Variants in EPHB2 observed in about 807,000 individuals in gnomAD.
EPHB2 encodes the protein EPH receptor B2.
A neutral mutation model predicts 96.4 loss-of-function variants in EPHB2; 18 were observed. The observed-to-expected ratio is 0.19, with a 90% CI of 0.13 to 0.28. The LOEUF is 0.28. Among genes scored for constraint, EPHB2 ranks in the 10% least tolerant of loss-of-function variants. EPHB2 has a pLI of 1.00. For synonymous variants in EPHB2, 506 were observed against 534.1 expected (o/e 0.95, Z 0.72); for missense variants, 989 against 1,355.4 (o/e 0.73, Z 4.25).
intron 1 of EPHB2, among the ~76,000 whole-genome samples, chr1:22,749,622 G>A (rs1644032072): frequency 6.6e-6 from 1 of 152,208 alleles, no homozygotes; most frequent in South Asian, 2.1e-4. Flanking sequence ...TCCTCTTTGA[G>A]GGAAGGGGAA....
At chr1:22,818,051 G>C (rs536249146) in intron 3 of EPHB2, among the ~76,000 whole-genome samples, 8 of 152,230 alleles carry the variant, frequency 5.3e-5, no homozygotes, top group African/African-American at 1.9e-4. Flanking sequence ...AGCCAGCAAA[G>C]CCCCTGCCTT....
At chr1:22,812,604 G>A (rs1645019046) in intron 3 of EPHB2, among the ~76,000 whole-genome samples, 1 of 152,294 alleles carries the variant, frequency 6.6e-6, no homozygotes, top group South Asian at 2.1e-4. Flanking sequence ...CAGAGGGAGA[G>A]GGACGTGGCC....
At chr1:22,849,066 C>G (rs1349687304) in intron 3 of EPHB2, among the ~76,000 whole-genome samples, 1 of 152,180 alleles carries the variant, frequency 6.6e-6, no homozygotes, top group Non-Finnish European at 1.5e-5. Flanking sequence ...GTACTTCTTT[C>G]TGTCTGGGAT....
chr1:22,769,051 G>A (rs751441706), intron 1 of EPHB2, among the ~76,000 whole-genome samples: 3 of 152,230 alleles, frequency 2.0e-5, no homozygotes, highest in Admixed American at 6.5e-5. Flanking sequence ...ACAGGGGACC[G>A]TGGTAGGGGT....
chr1:22,871,689 T>A (rs1256822654), intron 5 of EPHB2, among the ~76,000 whole-genome samples: 1 of 152,166 alleles, frequency 6.6e-6, no homozygotes, highest in Non-Finnish European at 1.5e-5. Context: ...CTTAACACAA[T>A]ACACATTTAT....
rs1463070846 is a variant in EPHB2 at position 22,918,335 on chromosome 1, A to G, written c.*4765A>G. The G allele has an allele frequency of 6.7e-6, 1 of 149,594 alleles. No homozygotes were observed. The highest frequency in any genetic ancestry group is 1.5e-5 in the Non-Finnish European group (1 of 67,520). 9.3% of individuals were successfully genotyped at this position (149,594 alleles called of 1,614,324 possible). The stretch of plus-strand genomic sequence containing the variant: ...GGCTGATGTCTACCCCATTTCCTCC[A>G]GGCTTCTCTAGAGGTGGCAGGGGTG... On this transcript the variant is annotated 3_prime_UTR_variant, in exon 16 of 16. Coordinates refer to ENST00000374630, the MANE Select transcript of EPHB2 (RefSeq NM_017449.5). The surrounding 1 kb of genome is among the most constrained non-coding windows in gnomAD (Gnocchi z 4.2).
intron 3 of EPHB2, among the ~76,000 whole-genome samples, chr1:22,855,147 G>T (rs1645680035): frequency 6.6e-6 from 1 of 152,222 alleles, no homozygotes; most frequent in Non-Finnish European, 1.5e-5. Context: ...TGAATTGTGT[G>T]TATCAATCCG....
At chr1:22,764,234 A>T (rs1246295896) in intron 1 of EPHB2, among the ~76,000 whole-genome samples, 1 of 152,150 alleles carries the variant, frequency 6.6e-6, no homozygotes, top group African/African-American at 2.4e-5. Flanking sequence ...ACATCCGCTT[A>T]TTGAGTGATT....
At chr1:22,804,446 G>A (rs1017980166) in intron 3 of EPHB2, among the ~76,000 whole-genome samples, 4 of 152,178 alleles carry the variant, frequency 2.6e-5, no homozygotes, top group Non-Finnish European at 5.9e-5. Flanking sequence ...TGCAGAGGGT[G>A]TGTGAAGCCA....
intron 3 of EPHB2, among the ~76,000 whole-genome samples, chr1:22,796,865 C>T (rs901767247): frequency 2.1e-4 from 32 of 152,320 alleles, no homozygotes; most frequent in African/African-American, 7.7e-4. Flanking sequence ...ACAACTATTG[C>T]AGAACAGGAA....
At position 22,812,276 on chromosome 1, in the gene EPHB2, T is replaced by C. The variant is rs1645014018; in HGVS notation, c.811+27200T>C. 1.3e-5 allele frequency among the ~76,000 whole-genome samples: 2 copies of C among 152,224 alleles called. 1 individual carries two copies. Among genetic ancestry groups the C allele is most frequent in the South Asian group, 4.1e-4 (2 of 4,834 alleles). ...CAGGGGAGCAGTGAAGCTGCGGCCCTGCCCGCGGGGCCTGAGCTGCTGGAG... is the reference window on the plus strand; with the variant it reads ...CAGGGGAGCAGTGAAGCTGCGGCCCCGCCCGCGGGGCCTGAGCTGCTGGAG... On this transcript the variant is annotated intron_variant, in intron 3 of 15. Transcript: ENST00000374630.
intron 6 of EPHB2, among the ~76,000 whole-genome samples, chr1:22,883,826 C>T (rs989039194): frequency 6.6e-6 from 1 of 152,166 alleles, no homozygotes; most frequent in South Asian, 2.1e-4. Context: ...TCAGGGGCTA[C>T]GTCTCCATTC....
intron 1 of EPHB2, among the ~76,000 whole-genome samples, chr1:22,749,791 G>T (rs1644034847): frequency 6.6e-6 from 1 of 152,130 alleles, no homozygotes. Flanking sequence ...ACCCTATACT[G>T]GGGGCTGAAG....
chr1:22,722,833 G>A (rs751126066), intron 1 of EPHB2, among the ~76,000 whole-genome samples: 2 of 152,214 alleles, frequency 1.3e-5, no homozygotes, highest in African/African-American at 4.8e-5. Context: ...TATACAATGA[G>A]GTTAGACAAG....
intron 3 of EPHB2, among the ~76,000 whole-genome samples, chr1:22,798,316 G>A (rs537921156): frequency 1.3e-5 from 2 of 152,252 alleles, no homozygotes; most frequent in South Asian, 4.2e-4. Flanking sequence ...ACATGGCCAG[G>A]GCGCCCCACA....
chr1:22,795,721 C>T (rs1482020476), intron 3 of EPHB2, among the ~76,000 whole-genome samples: 2 of 152,284 alleles, frequency 1.3e-5, no homozygotes, highest in African/African-American at 2.4e-5. Flanking sequence ...ACTGAGGACA[C>T]GAGGAGGCAT....
intron 1 of EPHB2, among the ~76,000 whole-genome samples, chr1:22,721,740 C>G (rs971620417): frequency 1.3e-5 from 2 of 151,892 alleles, no homozygotes; most frequent in Non-Finnish European, 2.9e-5. Flanking sequence ...CTCAGCCTCC[C>G]AAGTAGCTGG....
intron 9 of EPHB2, among the ~76,000 whole-genome samples, chr1:22,905,202 A>G (rs1366449843): frequency 6.6e-6 from 1 of 152,252 alleles, no homozygotes; most frequent in Non-Finnish European, 1.5e-5. Flanking sequence ...GCATAAAAAA[A>G]TAAGTGTTGG....
intron 1 of EPHB2, among the ~76,000 whole-genome samples, chr1:22,738,283 G>C (rs1225932861): frequency 1.3e-5 from 2 of 152,120 alleles, no homozygotes; most frequent in Non-Finnish European, 2.9e-5. Context: ...GTGCTTATCT[G>C]TGTTGATGGT....
Sources: gnomAD v4.1 joint callset for allele counts (sites outside exome capture counted in the v4.1 genomes callset) on GRCh38, gnomAD v4.1.1 for gene constraint, Gnocchi (gnomAD v3.1) non-coding constraint, MANE v1.5 for transcripts, NCBI Gene and HGNC (gene_info 2026-07-23, HGNC 2026-07-21) for gene names.